Variants in TMEM160 observed in about 807,000 individuals in gnomAD.
TMEM160 encodes the protein transmembrane protein 160.
A neutral mutation model predicts 13.9 loss-of-function variants in TMEM160; 10 were observed. The observed-to-expected ratio is 0.72, with a 90% CI of 0.45 to 1.22. TMEM160 has a LOEUF of 1.22. TMEM160 is among the 50% of genes most tolerant of loss of function. The pLI is 0.00. For synonymous variants in TMEM160, 159 were observed against 134.8 expected, an observed-to-expected ratio of 1.18 and a Z score of -1.25; for missense variants, 287 against 283.2, an observed-to-expected ratio of 1.01 and a Z score of -0.10.
chr19:47,047,846 TA>T, intron 1 of TMEM160: 1 of 971,416 alleles, frequency 1.0e-6, no homozygotes, highest in Non-Finnish European at 1.2e-6. Flanking sequence ...ACACCGTCAT[TA>T]AAAAAATAAA....
At chr19:47,048,056 C>T (rs185549846) in intron 1 of TMEM160, among the ~76,000 whole-genome samples, 2 of 147,764 alleles carry the variant, frequency 1.4e-5, no homozygotes, top group Non-Finnish European at 3.0e-5. Context: ...CAGTGGTGGC[C>T]TCTGCAATCG....
intron 1 of TMEM160, among the ~76,000 whole-genome samples, chr19:47,046,972 G>T (rs1440395953): frequency 6.6e-6 from 1 of 152,220 alleles, no homozygotes; most frequent in South Asian, 2.1e-4. Flanking sequence ...AGCACTTTGG[G>T]AGGCCAAGGC....
At chr19:47,046,316 G>T in intron 2 of TMEM160, 64 bp from the exon 3 acceptor site, 2 of 1,490,546 alleles carry the variant, frequency 1.3e-6, no homozygotes, top group Non-Finnish European at 1.8e-6. Flanking sequence ...CAAAGCCAGG[G>T]TTGAGGAGAC....
rs1315948545 is a variant in TMEM160 at position 47,046,257 on chromosome 19, G to A, written c.302-5C>T. On this transcript the variant is annotated splice_polypyrimidine_tract_variant and splice_region_variant and intron_variant, in intron 2 of 2. Transcript: ENST00000253047. ...GGCCGCCCAGCAGGAAGAAGCCTGC[G>A]GGAGAGGCAGGGTAGCAACAGGGCC... 1 of 1,533,054 alleles carries A rather than the reference G, an allele frequency of 6.5e-7. No individual in the cohort carries two copies. 95.0% of individuals were successfully genotyped at this position (1,533,054 alleles called of 1,614,324 possible).
rs564153796 is a variant in TMEM160, at chr19:47,047,496, C to A, written c.209-811G>T. On this transcript the variant is annotated intron_variant, in intron 1 of 2. Coordinates refer to ENST00000253047, the MANE Select transcript of TMEM160 (RefSeq NM_017854.2). ...CCTACCGAGTATGGCCTGGGCCAAT[C>A]CCACCCACGTCCGTCCCCATTCACG... 60 of 985,394 alleles carry A rather than the reference C, an allele frequency of 6.1e-5. No homozygotes were observed. The East Asian group carries it at 4.2e-3, about 69-fold the overall frequency. 61.0% of individuals were successfully genotyped at this position (985,394 alleles called of 1,614,324 possible).
Position 47,048,392 on chromosome 19 carries a change from C to T in TMEM160, c.208+15G>A, listed in dbSNP as rs1384255091. On this transcript the variant is annotated intron_variant, in intron 1 of 2. Coordinates refer to ENST00000253047, the MANE Select transcript of TMEM160 (RefSeq NM_017854.2). ...CCCCGTCCCATCCGCACCGCCCCCACCCCTAGCCACCGACCTGTCTCGTGC... is the reference window on the plus strand; with the variant it reads ...CCCCGTCCCATCCGCACCGCCCCCATCCCTAGCCACCGACCTGTCTCGTGC... 6 of 1,491,716 alleles carry T rather than the reference C, an allele frequency of 4.0e-6. No individual in the cohort carries two copies. In the African/African-American group the frequency reaches 7.3e-5, roughly 18 times the overall value. The allele number at this position is 1,491,716 out of a possible 1,614,324, so 92.4% of individuals were successfully genotyped here.
chr19:47,045,980 G>C lies in TMEM160; in HGVS notation c.*7C>G. 1.3e-6 allele frequency: 2 copies of C among 1,536,264 alleles called. No homozygotes were observed. Among genetic ancestry groups the C allele is most frequent in the Non-Finnish European group, 8.7e-7 (1 of 1,148,194 alleles). ...CCAGCGCCTGCCAGGCCCCACGGCCGTGTCGCTCACTCGGGTGGCGGCCGA... is the reference window on the plus strand; with the variant it reads ...CCAGCGCCTGCCAGGCCCCACGGCCCTGTCGCTCACTCGGGTGGCGGCCGA... On this transcript the variant is annotated 3_prime_UTR_variant, in exon 3 of 3. Transcript: ENST00000253047.
In TMEM160 at chr19:47,046,098, G is replaced by C; in HGVS notation, c.456C>G (p.Ala152=). 1.3e-6 allele frequency: 2 copies of C among 1,535,322 alleles called. No homozygotes were observed. Among genetic ancestry groups the C allele is most frequent in the South Asian group, 2.4e-5 (2 of 84,100 alleles). ...VLAASLLWAC[A]VGLYMGQLEL... ...CCAGCTGCCCCATGTAGAGGCCCACGGCGCACGCCCAGAGCAGGCTGGCGG... is the reference window on the plus strand; with the variant it reads ...CCAGCTGCCCCATGTAGAGGCCCACCGCGCACGCCCAGAGCAGGCTGGCGG... The change falls in exon 3 of 3, where the codon GCC becomes GCG. Residue 152 remains alanine, a synonymous_variant. Coordinates refer to ENST00000253047, the MANE Select transcript of TMEM160 (RefSeq NM_017854.2).
rs1478607004 is a variant in TMEM160, at chr19:47,047,570, GC to G, written c.208+836del. ...CCCTATATCTAGATGCCCGGTCCTG[GC>G]CTAGTGAGGTGACTCACACCTATAA... On this transcript the variant is annotated intron_variant, in intron 1 of 2. Coordinates refer to ENST00000253047, the MANE Select transcript of TMEM160 (RefSeq NM_017854.2). The G allele has an allele frequency of 2.2e-5, 22 of 982,462 alleles. No individual in the cohort carries two copies. The African/African-American group carries it at 3.8e-4, about 17-fold the overall frequency. The allele number at this position is 982,462 out of a possible 1,614,324, so 60.9% of individuals were successfully genotyped here. A position where few individuals can be genotyped will look rare whatever the true frequency, so the allele number is the denominator to read the frequency against.
intron 1 of TMEM160, chr19:47,047,521 G>A (rs1599931496): frequency 1.0e-6 from 1 of 971,518 alleles, no homozygotes; most frequent in African/African-American, 2.3e-5. Flanking sequence ...CCCCATTCAC[G>A]TCCTTTACAA....
At chr19:47,047,948 C>T (rs993994238) in intron 1 of TMEM160, 1 of 985,092 alleles carries the variant, frequency 1.0e-6, no homozygotes, top group Non-Finnish European at 1.2e-6. Flanking sequence ...ATCACCTCCC[C>T]CTCCAATCAG....
intron 1 of TMEM160, 125 bp downstream of exon 1, chr19:47,048,282 C>A: frequency 2.3e-6 from 2 of 878,042 alleles, no homozygotes; most frequent in Non-Finnish European, 1.6e-6. Context: ...CGTGCGCTCA[C>A]ACTGAAGCCC....
chr19:47,047,367 G>A, intron 1 of TMEM160: 2 of 984,350 alleles, frequency 2.0e-6, no homozygotes, highest in Non-Finnish European at 2.4e-6. Context: ...AGAACTCTGG[G>A]ACAAACTGTT....
At position 47,048,452 on chromosome 19, in the gene TMEM160, G is replaced by C; in HGVS notation, c.163C>G (p.Leu55Val). Residue 55 changes from leucine (L) to valine (V), a missense_variant, in exon 1 of 3, where the codon CTG (leucine) becomes GTG (valine). By Grantham distance (32) the Leu-to-Val change is conservative. Transcript: ENST00000253047. ...AGGAGCCAGGCGTCCGCACGATCCA[G>C]CTCGGACACTGGGGGCGGCGAAGCC... ...AGASPPPVSELDRADAWLLRK... is the reference protein window; with the variant it reads ...AGASPPPVSEVDRADAWLLRK... 2 of 1,416,336 alleles carry C rather than the reference G, an allele frequency of 1.4e-6. No homozygotes were observed. The highest frequency in any genetic ancestry group is 1.8e-6 in the Non-Finnish European group (2 of 1,097,674). The allele number at this position is 1,416,336 out of a possible 1,614,324, so 87.7% of individuals were successfully genotyped here.
chr19:47,046,748 T>C (rs1358944024), intron 1 of TMEM160, 63 bp from the exon 2 acceptor site: 17 of 1,271,174 alleles, frequency 1.3e-5, no homozygotes, highest in Non-Finnish European at 1.8e-5. Context: ...CAATCCCCCT[T>C]ACCCAGTCAA....
chr19:47,046,157 C>G lies in TMEM160; in HGVS notation c.397G>C (p.Gly133Arg), dbSNP rs988912125. 1.4e-6 allele frequency: 2 copies of G among 1,474,980 alleles called. No homozygotes were observed. Among genetic ancestry groups the G allele is most frequent in the Non-Finnish European group, 1.8e-6 (2 of 1,123,916 alleles). The allele number at this position is 1,474,980 out of a possible 1,614,324, so 91.4% of individuals were successfully genotyped here. The change falls in exon 3 of 3, where the codon GGG (glycine) becomes CGG (arginine). Residue 133 changes from glycine to arginine, a missense_variant. By Grantham distance (125) the Gly-to-Arg change is moderately radical (BLOSUM62 -2). Transcript: ENST00000253047. The part of the protein sequence containing the change: ...ALRGPMQLTL[G>R]GAAVGAGAVL... ...GCGCCCGCGCCCACGGCCGCGCCCC[C>G]CAGCGTCAGCTGCATGGGTCCTCGC...
chr19:47,048,528 C>G lies in TMEM160; in HGVS notation c.87G>C (p.Arg29=). ...CGAAGGACCCCCGGGCGCCCCCGCT[C>G]CGGGGCCGCTGAGGCGGCAGTAGCG... ...RRSLLPPQRP[R]SGGARGSFAP... Residue 29 remains arginine (R), a synonymous_variant, in exon 1 of 3, where the codon CGG becomes CGC. Coordinates refer to ENST00000253047, the MANE Select transcript of TMEM160 (RefSeq NM_017854.2). 1 of 1,492,784 alleles carries G rather than the reference C, an allele frequency of 6.7e-7. No individual in the cohort carries two copies. Among genetic ancestry groups the G allele is most frequent in the Non-Finnish European group, 8.9e-7 (1 of 1,128,614 alleles). The allele number at this position is 1,492,784 out of a possible 1,614,324, so 92.5% of individuals were successfully genotyped here. A position where few individuals can be genotyped will look rare whatever the true frequency, so the allele number is the denominator to read the frequency against.
intron 1 of TMEM160, among the ~76,000 whole-genome samples, chr19:47,047,153 C>T (rs1269144838): frequency 6.6e-6 from 1 of 152,090 alleles, no homozygotes; most frequent in Non-Finnish European, 1.5e-5. Context: ...GAGGTTGCAG[C>T]GAGCCAAGAT....
rs1188064511 is a variant in TMEM160, at chr19:47,045,949, C to A, written c.*38G>T. The A allele has an allele frequency of 1.5e-5, 22 of 1,503,014 alleles. No homozygotes were observed. The South Asian group carries it at 1.8e-4, about 12-fold the overall frequency. The allele number at this position is 1,503,014 out of a possible 1,614,324, so 93.1% of individuals were successfully genotyped here. ...CAGGTTTAATGTCCCAGTCCTCGGG[C>A]GCTGTCCAGCGCCTGCCAGGCCCCA... On this transcript the variant is annotated 3_prime_UTR_variant, in exon 3 of 3. Transcript: ENST00000253047.
Sources: gnomAD v4.1 joint callset for allele counts (sites outside exome capture counted in the v4.1 genomes callset) on GRCh38, gnomAD v4.1.1 for gene constraint, MANE v1.5 for transcripts, NCBI Gene and HGNC (gene_info 2026-07-23, HGNC 2026-07-21) for gene names.